Variants in SAMD3 observed in about 807,000 individuals in gnomAD.
SAMD3 encodes the protein sterile alpha motif domain-containing protein 3.
SAMD3 carries 63 observed loss-of-function variants against 58.5 expected under a neutral mutation model. The ratio of observed to expected loss-of-function variants is 1.08; its 90% CI spans 0.88 to 1.33. The LOEUF (loss-of-function observed/expected upper bound fraction) is 1.33, where lower values mean the gene tolerates loss of function less well. SAMD3 is among the 40% of genes most tolerant of loss of function. The pLI, the probability that SAMD3 is intolerant of heterozygous loss-of-function variation, is 0.00. For missense variants in SAMD3, 604 were observed against 608.4 expected (o/e 0.99, Z 0.08); for synonymous variants, 220 against 210.3 (o/e 1.05, Z -0.40).
In SAMD3 at chr6:130,184,147, G is replaced by C; in HGVS notation, c.610C>G (p.Leu204Val). ...TQQYNDVVNA[L>V]LQAHPFLDED... ...TCCAGGAAAGGGTGGGCCTGCAGCA[G>C]GGCATTAACCACGTCATTGTACTGC... Residue 204 changes from leucine (L) to valine (V), a missense_variant, in exon 7 of 12, where the codon CTG (leucine) becomes GTG (valine). Leu to Val is a conservative substitution (Grantham distance 32). Coordinates refer to ENST00000439090, the MANE Select transcript of SAMD3 (RefSeq NM_001017373.4). The C allele has an allele frequency of 6.2e-7, 1 of 1,614,086 alleles. No individual in the cohort carries two copies. The highest frequency in any genetic ancestry group is 8.5e-7 in the Non-Finnish European group (1 of 1,179,968).
At chr6:130,210,140 C>A (rs1344792176) in intron 4 of SAMD3, among the ~76,000 whole-genome samples, 1 of 152,204 alleles carries the variant, frequency 6.6e-6, no homozygotes. Flanking sequence ...GATTTGAACT[C>A]AGTTTTGCAC....
At chr6:130,199,805 C>T (rs956581920) in intron 5 of SAMD3, among the ~76,000 whole-genome samples, 1 of 152,154 alleles carries the variant, frequency 6.6e-6, no homozygotes, top group African/African-American at 2.4e-5. Flanking sequence ...ACCGTGAATT[C>T]TGAAAAATGT....
chr6:130,195,577 T>A (rs565326309), intron 5 of SAMD3, among the ~76,000 whole-genome samples: 4 of 152,266 alleles, frequency 2.6e-5, no homozygotes, highest in African/African-American at 7.2e-5. Flanking sequence ...ATTATTCTGT[T>A]CTAGATCTCA....
chr6:130,188,254 G>T (rs574107825), intron 5 of SAMD3, among the ~76,000 whole-genome samples: 15 of 152,218 alleles, frequency 9.9e-5, no homozygotes, highest in Middle Eastern at 3.4e-3. Flanking sequence ...TGTTAAGAAC[G>T]GGCTCAGGTG....
At chr6:130,248,894 G>A (rs1206299527) in intron 2 of SAMD3, among the ~76,000 whole-genome samples, 1 of 152,068 alleles carries the variant, frequency 6.6e-6, no homozygotes, top group Non-Finnish European at 1.5e-5. Flanking sequence ...TAATAATTAG[G>A]TGGCAATCAG....
rs1345281968 is a variant in SAMD3 at position 130,182,301 on chromosome 6, G to T, written c.654+1802C>A. Among the ~76,000 whole-genome samples the T allele has an allele frequency of 2.0e-5, 3 of 151,860 alleles. No individual in the cohort carries two copies. The East Asian group carries it at 5.8e-4, about 29-fold the overall frequency. The stretch of plus-strand genomic sequence containing the variant: ...GAGGAAATTCAGTTTCTTCTGTAGT[G>T]CACTTTATATGCAGCAGCATATTTT... On this transcript the variant is annotated intron_variant, in intron 7 of 11. Transcript: ENST00000439090.
At chr6:130,320,444 G>A (rs1410538163) in intron 1 of SAMD3, among the ~76,000 whole-genome samples, 1 of 152,178 alleles carries the variant, frequency 6.6e-6, no homozygotes, top group African/African-American at 2.4e-5. Flanking sequence ...ATTGAATGGT[G>A]GGAATGGAAA....
chr6:130,344,825 C>CAAAAAAAA (rs56795907), intron 1 of SAMD3, among the ~76,000 whole-genome samples: 113 of 41,092 alleles, frequency 2.7e-3, no homozygotes, highest in East Asian at 7.6e-3. Context: ...ACAACAACAG[C>CAAAAAAAA]AAAAAAAAAA....
At chr6:130,197,744 C>A (rs771722464) in intron 5 of SAMD3, among the ~76,000 whole-genome samples, 28 of 152,116 alleles carry the variant, frequency 1.8e-4, no homozygotes, top group Admixed American at 3.9e-4. Flanking sequence ...TCCATACCAT[C>A]CCCCAAAATT....
At chr6:130,210,511 A>C (rs1795446197) in intron 4 of SAMD3, among the ~76,000 whole-genome samples, 1 of 151,922 alleles carries the variant, frequency 6.6e-6, no homozygotes, top group Non-Finnish European at 1.5e-5. Context: ...AGGCAGGAGA[A>C]TCACTTGAAC....
At chr6:130,170,361 T>C (rs572398052) in intron 8 of SAMD3, among the ~76,000 whole-genome samples, 1 of 152,344 alleles carries the variant, frequency 6.6e-6, no homozygotes, top group South Asian at 2.1e-4. Flanking sequence ...TCCATGTCCC[T>C]GTAAAGGACA....
chr6:130,150,713 CTT>C (rs535281930), intron 9 of SAMD3, among the ~76,000 whole-genome samples: 36 of 135,910 alleles, frequency 2.6e-4, no homozygotes, highest in Non-Finnish European at 2.9e-4. Context: ...GGCCAGAATT[CTT>C]TTTTTTTTTT....
At chr6:130,159,192 G>A (rs1582748232) in intron 8 of SAMD3, among the ~76,000 whole-genome samples, 1 of 152,254 alleles carries the variant, frequency 6.6e-6, no homozygotes, top group African/African-American at 2.4e-5. Context: ...TGTTCTCATG[G>A]TAGTGAATGG....
At chr6:130,289,715 G>C (rs1775298268) in intron 2 of SAMD3, among the ~76,000 whole-genome samples, 1 of 152,146 alleles carries the variant, frequency 6.6e-6, no homozygotes, top group Non-Finnish European at 1.5e-5. Context: ...GGCCAGGCTG[G>C]TCTCGAACTC....
intron 1 of SAMD3, among the ~76,000 whole-genome samples, chr6:130,359,606 T>C (rs1186223659): frequency 6.6e-6 from 1 of 152,102 alleles, no homozygotes; most frequent in African/African-American, 2.4e-5. Flanking sequence ...TTAGGGCACT[T>C]TTCATACTGC....
At chr6:130,283,635 T>A (rs756872055) in intron 2 of SAMD3, among the ~76,000 whole-genome samples, 35 of 152,144 alleles carry the variant, frequency 2.3e-4, no homozygotes, top group Non-Finnish European at 5.0e-4. Flanking sequence ...TAATTGTTAA[T>A]CTAGAATAAA....
chr6:130,346,415 G>A (rs1440656602), intron 1 of SAMD3, among the ~76,000 whole-genome samples: 1 of 152,232 alleles, frequency 6.6e-6, no homozygotes, highest in Non-Finnish European at 1.5e-5. Flanking sequence ...CGGCACACCA[G>A]GAGATTATAT....
chr6:130,183,968 G>C (rs1230083903), intron 7 of SAMD3, 135 bp downstream of exon 7: 4 of 701,740 alleles, frequency 5.7e-6, no homozygotes, highest in Non-Finnish European at 1.0e-5. Context: ...GATAGACCTA[G>C]ATACATAGAC....
At chr6:130,143,435 C>A (rs147254560), downstream of SAMD3, among the ~76,000 whole-genome samples, 1 of 152,120 alleles carries the variant, frequency 6.6e-6, no homozygotes, top group South Asian at 2.1e-4. Flanking sequence ...GTAGAGACAG[C>A]GTTTCACATT....
Sources: allele counts gnomAD v4.1 joint callset (sites outside exome capture counted in the v4.1 genomes callset), GRCh38; gene constraint gnomAD v4.1.1; transcripts MANE v1.5; gene names NCBI Gene and HGNC (gene_info 2026-07-23, HGNC 2026-07-21).